Variants in DTNB observed in about 807,000 individuals in gnomAD.
DTNB encodes the protein DTN-B.
Under a neutral mutation model 90.7 loss-of-function variants are expected in DTNB, and 63 were observed. That is an observed-to-expected ratio of 0.69 (90% CI 0.57 to 0.86). DTNB has a LOEUF of 0.86. DTNB is among the 40% of genes least tolerant of loss of function. The pLI is 0.00. For missense variants in DTNB, 744 were observed against 807.1 expected, an observed-to-expected ratio of 0.92 and a Z score of 0.95; for synonymous variants, 277 against 286.7, an observed-to-expected ratio of 0.97 and a Z score of 0.34.
intron 19 of DTNB, among the ~76,000 whole-genome samples, chr2:25,381,669 C>G (rs968306065): frequency 6.6e-6 from 1 of 152,364 alleles, no homozygotes; most frequent in East Asian, 1.9e-4. Flanking sequence ...AGCCACCATG[C>G]CCAGCCTAGT....
At chr2:25,448,951 T>G (rs534838974) in intron 12 of DTNB, among the ~76,000 whole-genome samples, 10 of 152,212 alleles carry the variant, frequency 6.6e-5, no homozygotes, top group Non-Finnish European at 1.2e-4. Flanking sequence ...AATATTTCTA[T>G]CAAGTCAGAA....
At chr2:25,504,679 A>G (rs1264803135) in intron 9 of DTNB, among the ~76,000 whole-genome samples, 1 of 152,212 alleles carries the variant, frequency 6.6e-6, no homozygotes, top group East Asian at 1.9e-4. Context: ...CAAAGTGTGA[A>G]GCTTGTATAC....
chr2:25,604,565 C>T lies in DTNB; in HGVS notation c.448+2671G>A, dbSNP rs1273486140. On this transcript the variant is annotated intron_variant, in intron 5 of 20. Coordinates refer to ENST00000406818, the MANE Select transcript of DTNB (RefSeq NM_021907.5). ...GGGACCTCAGGTATGTACTGCCATG[C>T]CAAACTAACTTTTTAAATTACTTTT... Among the ~76,000 whole-genome samples, 8 of 152,038 alleles carry T rather than the reference C, an allele frequency of 5.3e-5. 1 individual carries two copies. The highest frequency in any genetic ancestry group is 1.9e-4 in the East Asian group (1 of 5,172).
At chr2:25,613,829 T>A (rs1022919570) in intron 4 of DTNB, among the ~76,000 whole-genome samples, 8 of 151,896 alleles carry the variant, frequency 5.3e-5, no homozygotes, top group Non-Finnish European at 8.8e-5. Context: ...GTGGTGGCGC[T>A]CACCAGTAAT....
At chr2:25,515,978 A>G (rs565223931) in intron 9 of DTNB, among the ~76,000 whole-genome samples, 12 of 152,358 alleles carry the variant, frequency 7.9e-5, no homozygotes, top group Admixed American at 3.9e-4. Context: ...CTAAAATAAA[A>G]AGTTTATGTA....
intron 9 of DTNB, among the ~76,000 whole-genome samples, chr2:25,495,279 T>C (rs529932549): frequency 1.8e-4 from 28 of 152,178 alleles, no homozygotes; most frequent in Admixed American, 6.5e-4. Flanking sequence ...CTGCCCAGGC[T>C]GGTCTCGAAC....
chr2:25,497,657 G>C (rs938407149), intron 9 of DTNB: 4 of 152,240 alleles, frequency 2.6e-5, no homozygotes, highest in Admixed American at 6.5e-5. Flanking sequence ...GAAACAAAAG[G>C]GCTATCCAGT....
intron 5 of DTNB, among the ~76,000 whole-genome samples, chr2:25,604,346 TA>T (rs2066592145): frequency 6.6e-6 from 1 of 152,176 alleles, no homozygotes. Flanking sequence ...GTTAAAAGTA[TA>T]ATCAGTGAGT....
At chr2:25,490,753 AGAT>A (rs2067217906) in intron 9 of DTNB, among the ~76,000 whole-genome samples, 1 of 152,240 alleles carries the variant, frequency 6.6e-6, no homozygotes, top group South Asian at 2.1e-4. Flanking sequence ...AAGAAGGGCA[AGAT>A]GATGATGATA....
chr2:25,575,957 A>AATC (rs1172212052), intron 8 of DTNB, among the ~76,000 whole-genome samples: 1 of 152,190 alleles, frequency 6.6e-6, no homozygotes, highest in African/African-American at 2.4e-5. Context: ...ACCACAGAAA[A>AATC]ATCAGATATT....
intron 4 of DTNB, among the ~76,000 whole-genome samples, chr2:25,610,577 AT>A (rs1247951776): frequency 6.6e-6 from 1 of 152,242 alleles, no homozygotes; most frequent in Non-Finnish European, 1.5e-5. Context: ...CCTCATGAAC[AT>A]TTAAAGTTCA....
intron 18 of DTNB, among the ~76,000 whole-genome samples, chr2:25,384,818 T>G (rs762406070): frequency 6.6e-6 from 1 of 152,144 alleles, no homozygotes; most frequent in Non-Finnish European, 1.5e-5. Flanking sequence ...CAGAGGACTG[T>G]TTTATTGGGT....
chr2:25,558,293 T>A (rs1354259633), intron 8 of DTNB: 1 of 985,206 alleles, frequency 1.0e-6, no homozygotes, highest in Non-Finnish European at 1.2e-6. Flanking sequence ...ACTGATAAAT[T>A]TGAGTTAATG....
intron 2 of DTNB, among the ~76,000 whole-genome samples, chr2:25,647,554 T>G (rs1437391076): frequency 6.6e-6 from 1 of 152,212 alleles, no homozygotes; most frequent in Non-Finnish European, 1.5e-5. Flanking sequence ...CAGGTTTTTT[T>G]AACTAAAACA....
At chr2:25,531,980 C>A (rs2150921472) in intron 8 of DTNB, among the ~76,000 whole-genome samples, 1 of 152,262 alleles carries the variant, frequency 6.6e-6, no homozygotes, top group South Asian at 2.1e-4. Flanking sequence ...GGCACGGTGG[C>A]TCATACCTAT....
At chr2:25,668,875 C>T (rs1051633315) in intron 1 of DTNB, among the ~76,000 whole-genome samples, 6 of 152,144 alleles carry the variant, frequency 3.9e-5, no homozygotes, top group Non-Finnish European at 8.8e-5. Context: ...GGGGAAACAA[C>T]CCAAATGTCC....
intron 15 of DTNB, among the ~76,000 whole-genome samples, chr2:25,423,384 T>C (rs2050438727): frequency 6.6e-6 from 1 of 152,222 alleles, no homozygotes. Flanking sequence ...AAGATTTTTG[T>C]TGAATGAATT....
intron 16 of DTNB, among the ~76,000 whole-genome samples, chr2:25,409,741 G>C (rs879592540): frequency 9.9e-5 from 15 of 152,104 alleles, no homozygotes; most frequent in Non-Finnish European, 1.9e-4. Flanking sequence ...GAGAACCGAC[G>C]GTCCTTCTCC....
At chr2:25,413,687 C>A (rs2047177910) in intron 16 of DTNB, among the ~76,000 whole-genome samples, 1 of 151,914 alleles carries the variant, frequency 6.6e-6, no homozygotes, top group African/African-American at 2.4e-5. Flanking sequence ...AGTCTTTGGA[C>A]ATTTGGGTTG....
Sources: allele counts gnomAD v4.1 joint callset (sites outside exome capture counted in the v4.1 genomes callset), GRCh38; gene constraint gnomAD v4.1.1; transcripts MANE v1.5; gene names NCBI Gene and HGNC (gene_info 2026-07-23, HGNC 2026-07-21).